AGBL4: variants seen among roughly 807,000 people sequenced by gnomAD.
AGBL4 encodes cytosolic carboxypeptidase 6.
In AGBL4, 58 loss-of-function variants were observed where a neutral mutation model predicts 66.4. That is an observed-to-expected ratio of 0.87 (90% CI 0.71 to 1.09). AGBL4 has a LOEUF of 1.09. AGBL4 is among the 50% of genes least tolerant of loss of function. The pLI, the probability that AGBL4 is intolerant of heterozygous loss-of-function variation, is 0.00. For missense variants in AGBL4, 579 were observed against 631.0 expected (o/e 0.92, Z 0.88); for synonymous variants, 234 against 222.9 (o/e 1.05, Z -0.44).
chr1:49,153,761 T>G (rs1646381792), intron 4 of AGBL4, among the ~76,000 whole-genome samples: 1 of 152,038 alleles, frequency 6.6e-6, no homozygotes, highest in African/African-American at 2.4e-5. Context: ...GGCCACTAGA[T>G]AATCTCCAAG....
intron 5 of AGBL4, among the ~76,000 whole-genome samples, chr1:48,918,374 C>A (rs902469728): frequency 6.6e-6 from 1 of 152,212 alleles, no homozygotes; most frequent in South Asian, 2.1e-4. Flanking sequence ...GACCTTTCTG[C>A]TTTGTGGACC....
intron 4 of AGBL4, among the ~76,000 whole-genome samples, chr1:49,080,522 G>A (rs1644790706): frequency 6.6e-6 from 1 of 152,066 alleles, no homozygotes; most frequent in Non-Finnish European, 1.5e-5. Context: ...TTTTTTGGAG[G>A]TACCCCTGAT....
At chr1:49,700,429 C>A (rs1647069712) in intron 2 of AGBL4, among the ~76,000 whole-genome samples, 1 of 151,808 alleles carries the variant, frequency 6.6e-6, no homozygotes, top group African/African-American at 2.4e-5. Context: ...ATTTAACACA[C>A]CAATATCCCT....
chr1:48,810,526 T>G (rs542649392), intron 6 of AGBL4, among the ~76,000 whole-genome samples: 1 of 152,298 alleles, frequency 6.6e-6, no homozygotes, highest in East Asian at 1.9e-4. Flanking sequence ...TTCATTCAAA[T>G]CACTTCACCT....
intron 5 of AGBL4, among the ~76,000 whole-genome samples, chr1:49,021,888 A>G (rs534875032): frequency 3.3e-5 from 5 of 152,204 alleles, no homozygotes; most frequent in African/African-American, 1.2e-4. Flanking sequence ...CTGGGTCCAA[A>G]CTTTGTTTCA....
chr1:48,776,899 C>G, intron 6 of AGBL4: 2 of 399,556 alleles, frequency 5.0e-6, no homozygotes, highest in African/African-American at 2.7e-5. Flanking sequence ...GGTGGGGATC[C>G]GGCGGGGGGC....
rs187309842 is a variant in AGBL4 at position 49,861,990 on chromosome 1, A to G, written c.35-10472T>C. ...CTCTTCAATGCCCAGACACCAAAAA[A>G]CATCTACTAGCATCAAAACCACCCA... On this transcript the variant is annotated intron_variant, in intron 1 of 13. Coordinates refer to ENST00000371839, the MANE Select transcript of AGBL4 (RefSeq NM_032785.4). Among the ~76,000 whole-genome samples, 12 of 152,310 alleles carry G rather than the reference A, an allele frequency of 7.9e-5. No individual in the cohort carries two copies. In the East Asian group the frequency reaches 2.3e-3, roughly 29 times the overall value.
chr1:49,487,177 C>T (rs1371578877), intron 3 of AGBL4, among the ~76,000 whole-genome samples: 6 of 151,910 alleles, frequency 3.9e-5, no homozygotes, highest in African/African-American at 1.4e-4. Context: ...GAGTTTTACT[C>T]AGATTATTTC....
At chr1:48,792,100 C>T (rs1221050412) in intron 6 of AGBL4, among the ~76,000 whole-genome samples, 1 of 152,116 alleles carries the variant, frequency 6.6e-6, no homozygotes, top group Non-Finnish European at 1.5e-5. Context: ...TAGGCTGGGC[C>T]CTAGTTCAAC....
At chr1:49,481,985 G>A (rs778199211) in intron 3 of AGBL4, among the ~76,000 whole-genome samples, 8 of 149,946 alleles carry the variant, frequency 5.3e-5, no homozygotes, top group Non-Finnish European at 1.0e-4. Flanking sequence ...CTACTAGATC[G>A]TGATGGATAA....
intron 1 of AGBL4, among the ~76,000 whole-genome samples, chr1:49,948,209 TATAAATATATATAA>T (rs1655607291): frequency 1.5e-5 from 1 of 64,556 alleles, no homozygotes; most frequent in Non-Finnish European, 3.0e-5. Flanking sequence ...AATATAAATA[TATAAATATATATAA>T]ATATATATAA....
At chr1:49,257,823 C>G (rs1191336177) in intron 3 of AGBL4, among the ~76,000 whole-genome samples, 2 of 152,160 alleles carry the variant, frequency 1.3e-5, no homozygotes, top group African/African-American at 2.4e-5. Context: ...TCCTCCAGCA[C>G]GGAGCTGGAG....
At chr1:48,718,659 C>T (rs751183467) in intron 6 of AGBL4, among the ~76,000 whole-genome samples, 4 of 152,110 alleles carry the variant, frequency 2.6e-5, no homozygotes, top group Non-Finnish European at 4.4e-5. Flanking sequence ...ATCTACTTCC[C>T]CACCTGGAGT....
chr1:49,372,472 G>T (rs1302409156), intron 3 of AGBL4, among the ~76,000 whole-genome samples: 4 of 151,788 alleles, frequency 2.6e-5, no homozygotes, highest in Admixed American at 1.3e-4. Context: ...CTCCAATCTT[G>T]GGAACTTTGT....
intron 1 of AGBL4, among the ~76,000 whole-genome samples, chr1:49,907,471 T>A (rs1650385536): frequency 6.6e-6 from 1 of 152,194 alleles, no homozygotes; most frequent in Non-Finnish European, 1.5e-5. Flanking sequence ...CTTTCATATA[T>A]ATTATTTCCA....
chr1:48,649,066 T>C (rs1645884371), intron 8 of AGBL4, among the ~76,000 whole-genome samples: 1 of 152,210 alleles, frequency 6.6e-6, no homozygotes, highest in Non-Finnish European at 1.5e-5. Flanking sequence ...AGATAAAATA[T>C]ATATCAAGAG....
At chr1:49,151,395 T>C (rs1646331107) in intron 4 of AGBL4, among the ~76,000 whole-genome samples, 1 of 151,756 alleles carries the variant, frequency 6.6e-6, no homozygotes, top group South Asian at 2.1e-4. Flanking sequence ...CAATGATAGT[T>C]TAAAAAATTT....
In AGBL4 at chr1:49,908,029, C is replaced by T. The variant is rs555042759; in HGVS notation, c.35-56511G>A. 5.3e-5 allele frequency among the ~76,000 whole-genome samples: 8 copies of T among 152,034 alleles called. No individual in the cohort carries two copies. The East Asian group carries it at 9.7e-4, about 18-fold the overall frequency. On this transcript the variant is annotated intron_variant, in intron 1 of 13. Coordinates refer to ENST00000371839, the MANE Select transcript of AGBL4 (RefSeq NM_032785.4). ...TAGAAAAATTAAGTAACTTGTCATA[C>T]GTCATTTAACTAGTTAGTAGTGCAG...
At chr1:49,718,650 AT>A (rs1407605968) in intron 2 of AGBL4, among the ~76,000 whole-genome samples, 2 of 152,080 alleles carry the variant, frequency 1.3e-5, no homozygotes, top group African/African-American at 4.8e-5. Context: ...TAAACTGCAT[AT>A]GTAAAAATTC....
Sources: allele counts gnomAD v4.1 joint callset (sites outside exome capture counted in the v4.1 genomes callset), GRCh38; gene constraint gnomAD v4.1.1; transcripts MANE v1.5; gene names NCBI Gene and HGNC (gene_info 2026-07-23, HGNC 2026-07-21).